Variants in GAB2 observed in about 807,000 individuals in gnomAD.
GAB2 encodes the protein GRB2-associated-binding protein 2.
In GAB2, 26 loss-of-function variants were observed where a neutral mutation model predicts 65.5. That is an observed-to-expected ratio of 0.40 (90% confidence interval 0.29 to 0.55). GAB2 has a LOEUF of 0.55. Ranked by LOEUF, GAB2 falls within the 20% of genes least tolerant of loss-of-function variation. GAB2 has a pLI of 0.53. For missense variants in GAB2, 884 were observed against 875.8 expected (o/e 1.01, Z -0.12); for synonymous variants, 321 against 329.6 (o/e 0.97, Z 0.28).
chr11:78,334,257 A>C (rs1180322953), intron 1 of GAB2, among the ~76,000 whole-genome samples: 1 of 152,222 alleles, frequency 6.6e-6, no homozygotes, highest in Non-Finnish European at 1.5e-5. Flanking sequence ...CAAATAATCC[A>C]ATTATATTCT....
chr11:78,247,620 A>G lies in GAB2; in HGVS notation c.620+2537T>C, dbSNP rs138998121. On this transcript the variant is annotated intron_variant, in intron 3 of 9. Transcript: ENST00000361507. ...TGGAACATCATAGGAAAAGCCATGT[A>G]AACTGAATTTCACTTCTTTCAAGAG... Among the ~76,000 whole-genome samples the G allele has an allele frequency of 7.0e-4, 106 of 152,308 alleles. No homozygotes were observed. The East Asian group carries it at 0.016, about 24-fold the overall frequency.
intron 3 of GAB2, among the ~76,000 whole-genome samples, chr11:78,240,473 G>A (rs555512756): frequency 2.2e-4 from 34 of 152,244 alleles, no homozygotes; most frequent in African/African-American, 8.2e-4. Flanking sequence ...TCCTGGAGCT[G>A]CACTAGCCCC....
At chr11:78,308,470 GGAC>G (rs978053449) in intron 1 of GAB2, among the ~76,000 whole-genome samples, 21 of 152,248 alleles carry the variant, frequency 1.4e-4, no homozygotes, top group Admixed American at 1.0e-3. Flanking sequence ...GGATCCTGGA[GGAC>G]CTTGAATGCT....
At chr11:78,349,339 G>T (rs967059447) in intron 1 of GAB2, among the ~76,000 whole-genome samples, 7 of 152,158 alleles carry the variant, frequency 4.6e-5, no homozygotes, top group Non-Finnish European at 8.8e-5. Flanking sequence ...AAAAACATTT[G>T]ATTATTAATG....
chr11:78,223,218 TGCTC>T (rs1183225394), intron 6 of GAB2, among the ~76,000 whole-genome samples, 190 bp downstream of exon 6: 1 of 152,174 alleles, frequency 6.6e-6, no homozygotes, highest in East Asian at 1.9e-4. Flanking sequence ...CTATCCTAGA[TGCTC>T]TCCTTTGCAG....
intron 2 of GAB2, among the ~76,000 whole-genome samples, chr11:78,273,892 C>G (rs1031999258): frequency 2.0e-5 from 3 of 152,178 alleles, no homozygotes; most frequent in African/African-American, 4.8e-5. Flanking sequence ...CCTGTAAGAG[C>G]TCTCTCTCGG....
intron 1 of GAB2, among the ~76,000 whole-genome samples, chr11:78,398,637 A>G (rs1436943208): frequency 6.6e-6 from 1 of 151,976 alleles, no homozygotes; most frequent in Non-Finnish European, 1.5e-5. Context: ...ATGTTATAAT[A>G]AAAAAAATAA....
chr11:78,363,502 A>C (rs997944262), intron 1 of GAB2, among the ~76,000 whole-genome samples: 3 of 152,218 alleles, frequency 2.0e-5, no homozygotes, highest in African/African-American at 7.2e-5. Context: ...GTACTGTGTT[A>C]AGTACTGAGA....
Position 78,417,749 on chromosome 11 carries a change from C to A in GAB2, c.-29G>T, listed in dbSNP as rs1418613598. The A allele has an allele frequency of 1.7e-6, 2 of 1,203,868 alleles. No individual in the cohort carries two copies. Among genetic ancestry groups the A allele is most frequent in the Admixed American group, 3.4e-5 (1 of 29,680 alleles). 74.6% of individuals were successfully genotyped at this position (1,203,868 alleles called of 1,614,324 possible). A position where few individuals can be genotyped will look rare whatever the true frequency, so the allele number is the denominator to read the frequency against. On this transcript the variant is annotated 5_prime_UTR_variant, in exon 1 of 10. Coordinates refer to ENST00000361507, the MANE Select transcript of GAB2 (RefSeq NM_080491.3). ...GCCGGCCTGGAGCCCCCCGCCGGGT[C>A]GCGCGGACGAGGGCGCGGGCTCGGG...
chr11:78,378,900 T>A (rs1856664992), intron 1 of GAB2, among the ~76,000 whole-genome samples: 2 of 152,096 alleles, frequency 1.3e-5, no homozygotes, highest in African/African-American at 2.4e-5. Context: ...ACATGCCCAA[T>A]CCAAAATAAT....
chr11:78,260,221 G>A (rs1865693036), intron 2 of GAB2, among the ~76,000 whole-genome samples: 2 of 152,208 alleles, frequency 1.3e-5, no homozygotes, highest in Admixed American at 1.3e-4. Flanking sequence ...AAGACTCTGA[G>A]AAAGAACACC....
chr11:78,367,345 G>C (rs973412707), intron 1 of GAB2, among the ~76,000 whole-genome samples: 1 of 152,196 alleles, frequency 6.6e-6, no homozygotes, highest in South Asian at 2.1e-4. Flanking sequence ...GTACATATAT[G>C]AGTGACTGGT....
intron 2 of GAB2, among the ~76,000 whole-genome samples, chr11:78,272,805 A>T (rs1441901469): frequency 6.6e-6 from 1 of 152,256 alleles, no homozygotes; most frequent in Non-Finnish European, 1.5e-5. Context: ...ACAAGCCCAG[A>T]GGCCTAGGAG....
intron 3 of GAB2, among the ~76,000 whole-genome samples, chr11:78,234,245 GCTA>G (rs1467014571): frequency 1.3e-5 from 2 of 152,090 alleles, no homozygotes; most frequent in Non-Finnish European, 1.5e-5. Flanking sequence ...ACCGTGCCTG[GCTA>G]CTTTTTGTAT....
At chr11:78,381,056 T>C (rs1460716037) in intron 1 of GAB2, among the ~76,000 whole-genome samples, 1 of 152,096 alleles carries the variant, frequency 6.6e-6, no homozygotes, top group Non-Finnish European at 1.5e-5. Context: ...ACTTAAGCTT[T>C]GTACTCAAAT....
chr11:78,256,192 G>A (rs1457909088), intron 2 of GAB2, among the ~76,000 whole-genome samples: 1 of 152,324 alleles, frequency 6.6e-6, no homozygotes, highest in East Asian at 1.9e-4. Context: ...TAAACAAAAT[G>A]TGATATATCC....
At chr11:78,401,266 C>G (rs1231710014) in intron 1 of GAB2, among the ~76,000 whole-genome samples, 1 of 152,136 alleles carries the variant, frequency 6.6e-6, no homozygotes, top group Non-Finnish European at 1.5e-5. Flanking sequence ...AAAACTGAAA[C>G]TCTGTACCCA....
At chr11:78,358,213 C>T (rs1178993511) in intron 1 of GAB2, among the ~76,000 whole-genome samples, 2 of 145,496 alleles carry the variant, frequency 1.4e-5, no homozygotes, top group East Asian at 4.1e-4. Flanking sequence ...CCAAACACCG[C>T]ATGTTCTCAC....
chr11:78,374,676 G>C (rs1360330061), intron 1 of GAB2, among the ~76,000 whole-genome samples: 1 of 152,108 alleles, frequency 6.6e-6, no homozygotes, highest in African/African-American at 2.4e-5. Flanking sequence ...TATTGGAGTT[G>C]GACAGAAATT....
Sources: allele counts gnomAD v4.1 joint callset (sites outside exome capture counted in the v4.1 genomes callset), GRCh38; gene constraint gnomAD v4.1.1; transcripts MANE v1.5; gene names NCBI Gene and HGNC (gene_info 2026-07-23, HGNC 2026-07-21).